VRTN: variants seen among roughly 807,000 people sequenced by gnomAD.
VRTN encodes vertnin.
Under a neutral mutation model 18.2 loss-of-function variants are expected in VRTN, and 5 were observed. The observed-to-expected ratio is 0.27, with a 90% confidence interval of 0.14 to 0.58. The LOEUF (loss-of-function observed/expected upper bound fraction) is 0.58. VRTN is among the 20% of genes least tolerant of loss of function. The pLI is 0.91. For synonymous variants in VRTN, 381 were observed against 393.7 expected (o/e 0.97, Z 0.38); for missense variants, 741 against 939.4 (o/e 0.79, Z 2.76).
intron 1 of VRTN, among the ~76,000 whole-genome samples, chr14:74,325,006 A>G (rs2140198662): frequency 1.3e-5 from 2 of 152,094 alleles, no homozygotes; most frequent in South Asian, 4.2e-4. Flanking sequence ...AAAAAAAAAG[A>G]GTGTGATCCT....
intron 1 of VRTN, among the ~76,000 whole-genome samples, chr14:74,335,506 T>TAC (rs2140203923): frequency 8.9e-6 from 1 of 112,022 alleles, no homozygotes; most frequent in African/African-American, 3.5e-5. Context: ...ATAGCCACTG[T>TAC]ACTAAATGCC....
intron 1 of VRTN, among the ~76,000 whole-genome samples, chr14:74,335,189 G>A (rs1332990382): frequency 1.3e-5 from 2 of 152,322 alleles, no homozygotes; most frequent in South Asian, 2.1e-4. Context: ...GCTGAGGCAG[G>A]AGAATAACTT....
At chr14:74,316,781 C>T (rs1347936549) in intron 1 of VRTN, among the ~76,000 whole-genome samples, 2 of 151,474 alleles carry the variant, frequency 1.3e-5, no homozygotes, top group Admixed American at 6.6e-5. Flanking sequence ...GGACTACAGG[C>T]GCCCGCCACC....
At chr14:74,356,519 T>C (rs1003454565) in intron 1 of VRTN, among the ~76,000 whole-genome samples, 4 of 152,138 alleles carry the variant, frequency 2.6e-5, no homozygotes, top group Non-Finnish European at 5.9e-5. Context: ...TCCCATTTTA[T>C]AGAAAATGAA....
At chr14:74,303,087 A>G (rs1453964288) in exon 1 of VRTN, 9 of 579,220 alleles carry the variant, frequency 1.6e-5, no homozygotes, top group Non-Finnish European at 1.9e-5. Flanking sequence ...CAGAGAGTGG[A>G]CTCGGCTGAC....
chr14:74,304,493 A>G (rs989097565), intron 1 of VRTN, among the ~76,000 whole-genome samples: 3 of 152,132 alleles, frequency 2.0e-5, no homozygotes, highest in Admixed American at 2.0e-4. Context: ...CAAACATACC[A>G]TACAGCAGGG....
chr14:74,331,544 TTATATATATATATA>T (rs1169929236), intron 1 of VRTN, among the ~76,000 whole-genome samples: 503 of 43,458 alleles, frequency 0.012, 13 homozygotes, highest in Middle Eastern at 0.034. Context: ...AAAAAAAATT[TTATATATATATATA>T]TATATATATA....
intron 1 of VRTN, among the ~76,000 whole-genome samples, chr14:74,323,196 A>G (rs2085467060): frequency 6.6e-6 from 1 of 152,180 alleles, no homozygotes; most frequent in South Asian, 2.1e-4. Flanking sequence ...TTCTCCACCT[A>G]CAAGCTGCAT....
Position 74,356,806 on chromosome 14 carries a change from T to C in VRTN, c.23T>C (p.Val8Ala). The C allele has an allele frequency of 1.9e-6, 3 of 1,603,440 alleles. No homozygotes were observed. Among genetic ancestry groups the C allele is most frequent in the African/African-American group, 1.3e-5 (1 of 74,746 alleles). The change falls in exon 2 of 2, where the codon GTG becomes GCG. Residue 8 changes from valine (V) to alanine (A), a missense_variant. Val to Ala is a moderately conservative substitution (Grantham distance 64). Coordinates refer to ENST00000256362, the MANE Select transcript of VRTN (RefSeq NM_018228.3). ...AGGATGACTTCTCGGAACCAGCTGGTGCAGAAGGTGCTGCAGGAGCTGCAG... is the reference window on the plus strand; with the variant it reads ...AGGATGACTTCTCGGAACCAGCTGGCGCAGAAGGTGCTGCAGGAGCTGCAG... MTSRNQL[V>A]QKVLQELQEA... is the part of the protein sequence containing the mutation.
intron 1 of VRTN, among the ~76,000 whole-genome samples, chr14:74,353,114 CAT>C (rs2085697892): frequency 6.6e-6 from 1 of 152,040 alleles, no homozygotes; most frequent in Non-Finnish European, 1.5e-5. Flanking sequence ...CCCTGTCGGA[CAT>C]GGTGAAACCC....
At position 74,332,335 on chromosome 14, in the gene VRTN, G is replaced by GTTTTTTTTTTTTTTTTTT. The variant is rs67857502; in HGVS notation, c.-163-5364_-163-5347dup. ...CCTCCGGAGGATCGACTCCTAATCT[G>GTTTTTTTTTTTTTTTTTT]TTTTTTTTTTTTTTTTTTTTTTTTT... is the stretch of plus-strand genomic sequence containing the variant. On this transcript the variant is annotated intron_variant, in intron 1 of 2. Coordinates refer to the VRTN transcript ENST00000557177. Among the ~76,000 whole-genome samples, 2 of 39,540 alleles carry GTTTTTTTTTTTTTTTTTT rather than the reference G, an allele frequency of 5.1e-5. 1 individual carries two copies. Among genetic ancestry groups the GTTTTTTTTTTTTTTTTTT allele is most frequent in the Admixed American group, 8.6e-4 (2 of 2,324 alleles). 25.9% of individuals were successfully genotyped at this position (39,540 alleles called of 152,430 possible).
intron 1 of VRTN, among the ~76,000 whole-genome samples, chr14:74,318,523 G>A (rs1353565771): frequency 4.6e-5 from 7 of 151,892 alleles, no homozygotes; most frequent in Middle Eastern, 6.8e-3. Flanking sequence ...CGCCTGCCTC[G>A]GCCTCCCAAA....
At chr14:74,333,289 A>T (rs1380520072) in intron 1 of VRTN, among the ~76,000 whole-genome samples, 1 of 152,120 alleles carries the variant, frequency 6.6e-6, no homozygotes, top group Non-Finnish European at 1.5e-5. Flanking sequence ...AGGCTGAGGC[A>T]GGAGAACTGC....
chr14:74,340,011 C>G (rs2085590425), intron 2 of VRTN, among the ~76,000 whole-genome samples: 1 of 152,108 alleles, frequency 6.6e-6, no homozygotes, highest in African/African-American at 2.4e-5. Context: ...TCTCAGCTCA[C>G]TGCAACCTCT....
At chr14:74,320,581 T>C (rs2085449500) in intron 1 of VRTN, among the ~76,000 whole-genome samples, 7 of 69,572 alleles carry the variant, frequency 1.0e-4, no homozygotes, top group African/African-American at 4.5e-4. Context: ...TTTTTTTTTT[T>C]TTTTTTTTTT....
chr14:74,349,595 T>G (rs2085670334), intron 1 of VRTN, among the ~76,000 whole-genome samples: 1 of 152,068 alleles, frequency 6.6e-6, no homozygotes, highest in South Asian at 2.1e-4. Context: ...GGGGAAGGAT[T>G]TTGTTCTAAA....
intron 1 of VRTN, among the ~76,000 whole-genome samples, chr14:74,304,102 T>G (rs925820250): frequency 6.6e-6 from 1 of 151,982 alleles, no homozygotes. Context: ...CTGCCCGCCT[T>G]GGCTTTCCAA....
chr14:74,344,868 T>C (rs1260264181), upstream of VRTN, among the ~76,000 whole-genome samples: 1 of 151,554 alleles, frequency 6.6e-6, no homozygotes, highest in Non-Finnish European at 1.5e-5. Flanking sequence ...TATAGTAGAC[T>C]ACCATTTGTG....
At position 74,357,880 on chromosome 14, in the gene VRTN, GGGAGGTGCTGGGCAT is replaced by G. The variant is rs1287385855; in HGVS notation, c.1103_1117del (p.Val368_Glu372del). On this transcript the variant is annotated inframe_deletion, in exon 2 of 2. Transcript: ENST00000256362. This position sits in a 1 kb window ranked among gnomAD's most constrained non-coding sequence, Gnocchi z 7.8. ...GGCACCTGCCCGGCCTTGCCCCCCAGGGAGGTGCTGGGCATGGAGGAGCTAGAGAAGCTGCCGGAG... is the reference window on the plus strand; with the variant it reads ...GGCACCTGCCCGGCCTTGCCCCCCAGGGAGGAGCTAGAGAAGCTGCCGGAG... 2 of 1,613,998 alleles carry G rather than the reference GGGAGGTGCTGGGCAT, an allele frequency of 1.2e-6. No homozygotes were observed. Among genetic ancestry groups the G allele is most frequent in the Non-Finnish European group, 1.7e-6 (2 of 1,180,034 alleles).
Sources: gnomAD v4.1 joint callset for allele counts (sites outside exome capture counted in the v4.1 genomes callset) on GRCh38, gnomAD v4.1.1 for gene constraint, Gnocchi (gnomAD v3.1) non-coding constraint, MANE v1.5 for transcripts, NCBI Gene and HGNC (gene_info 2026-07-23, HGNC 2026-07-21) for gene names.